Variants in HIVEP3 observed in about 807,000 individuals in gnomAD.
The protein encoded by HIVEP3 is transcription factor HIVEP3.
Under a neutral mutation model 152.8 loss-of-function variants are expected in HIVEP3, and 49 were observed. The ratio of observed to expected loss-of-function variants is 0.32; its 90% CI spans 0.26 to 0.41. The LOEUF (loss-of-function observed/expected upper bound fraction) is 0.41, where lower values mean the gene tolerates loss of function less well. Ranked by LOEUF, HIVEP3 falls within the 10% of genes least tolerant of loss-of-function variation. HIVEP3 has a pLI of 1.00. For missense variants in HIVEP3, 2,790 were observed against 3,103.3 expected (o/e 0.90, Z 2.40); for synonymous variants, 1,269 against 1,289.0 (o/e 0.98, Z 0.33).
At chr1:42,020,270 GTTA>G (rs1469423385) in intron 1 of HIVEP3, among the ~76,000 whole-genome samples, 3 of 151,860 alleles carry the variant, frequency 2.0e-5, no homozygotes, top group African/African-American at 7.3e-5. Flanking sequence ...TAAGATTGAT[GTTA>G]TTATTTATTT....
At chr1:41,775,559 C>T (rs1570511498) in intron 1 of HIVEP3, among the ~76,000 whole-genome samples, 3 of 152,158 alleles carry the variant, frequency 2.0e-5, no homozygotes, top group East Asian at 1.9e-4. Flanking sequence ...GGCGCGATCT[C>T]GGCTCACTGC....
intron 5 of HIVEP3, among the ~76,000 whole-genome samples, chr1:41,550,619 T>C (rs902355725): frequency 1.3e-5 from 2 of 152,182 alleles, no homozygotes; most frequent in African/African-American, 4.8e-5. Context: ...TCCTAGGTAT[T>C]TTATTCTCTT....
At chr1:41,629,325 C>G (rs1645160882) in intron 2 of HIVEP3, among the ~76,000 whole-genome samples, 1 of 152,176 alleles carries the variant, frequency 6.6e-6, no homozygotes, top group African/African-American at 2.4e-5. Context: ...CCTTTAAAAA[C>G]AGAATTTGCA....
chr1:41,970,767 A>G (rs1645224261), intron 1 of HIVEP3, among the ~76,000 whole-genome samples: 1 of 152,188 alleles, frequency 6.6e-6, no homozygotes, highest in South Asian at 2.1e-4. Context: ...TCTTTACAAA[A>G]AAAAGTGGGG....
intron 3 of HIVEP3, among the ~76,000 whole-genome samples, chr1:41,627,120 T>A (rs10890149): frequency 0.43 from 65,914 of 151,954 alleles, 14,821 homozygotes; most frequent in Non-Finnish European, 0.5. Context: ...GGGCAGGGCA[T>A]GCAGATGGCA....
chr1:41,625,747 A>C (rs781518070), intron 3 of HIVEP3, among the ~76,000 whole-genome samples: 5 of 152,220 alleles, frequency 3.3e-5, no homozygotes, highest in Admixed American at 6.5e-5. Context: ...AAAAATAAAT[A>C]AATAAAGTCT....
chr1:41,712,473 C>G (rs1260316968), intron 1 of HIVEP3, among the ~76,000 whole-genome samples: 1 of 152,218 alleles, frequency 6.6e-6, no homozygotes, highest in African/African-American at 2.4e-5. Flanking sequence ...GGTGTGTAAG[C>G]ACCGAAAAGG....
At chr1:41,991,718 T>A (rs1032872185) in intron 1 of HIVEP3, among the ~76,000 whole-genome samples, 1 of 150,990 alleles carries the variant, frequency 6.6e-6, no homozygotes, top group East Asian at 1.9e-4. Flanking sequence ...TAGACCAATA[T>A]CCTTGATGAA....
At chr1:41,682,468 C>A (rs1440264387) in intron 2 of HIVEP3, among the ~76,000 whole-genome samples, 5 of 152,126 alleles carry the variant, frequency 3.3e-5, no homozygotes, top group African/African-American at 1.2e-4. Context: ...TGGAACGGGT[C>A]AGTGAAGCAG....
chr1:41,796,507 G>A (rs1469828934), intron 1 of HIVEP3, among the ~76,000 whole-genome samples: 1 of 152,260 alleles, frequency 6.6e-6, no homozygotes, highest in African/African-American at 2.4e-5. Context: ...ATGCTGCATA[G>A]ATCTGGTATT....
intron 1 of HIVEP3, among the ~76,000 whole-genome samples, chr1:41,830,901 T>C (rs1642945873): frequency 6.6e-6 from 1 of 152,174 alleles, no homozygotes; most frequent in Non-Finnish European, 1.5e-5. Context: ...TCCCTACGCG[T>C]TCGTGACTCA....
chr1:41,624,917 G>A (rs950949437), intron 3 of HIVEP3, among the ~76,000 whole-genome samples: 2 of 152,176 alleles, frequency 1.3e-5, no homozygotes, highest in Admixed American at 6.5e-5. Context: ...TGTAATCCCA[G>A]CACTTTGGGA....
intron 2 of HIVEP3, among the ~76,000 whole-genome samples, chr1:41,685,288 C>A (rs1005132932): frequency 1.3e-5 from 2 of 152,248 alleles, no homozygotes; most frequent in Admixed American, 6.5e-5. Flanking sequence ...GGACCAGGGC[C>A]TGTAGGAGTA....
intron 2 of HIVEP3, among the ~76,000 whole-genome samples, chr1:41,649,078 G>A (rs1036404589): frequency 1.3e-5 from 2 of 152,190 alleles, no homozygotes; most frequent in Admixed American, 6.5e-5. Context: ...ACAGAGCTGG[G>A]CCCTGAGCCA....
intron 1 of HIVEP3, among the ~76,000 whole-genome samples, chr1:41,895,659 G>A (rs1644516305): frequency 6.6e-6 from 1 of 152,174 alleles, no homozygotes; most frequent in East Asian, 1.9e-4. Flanking sequence ...CCCAAGGGAA[G>A]GCTGTTCTAG....
chr1:41,513,976 TTC>T (rs1642530479), intron 7 of HIVEP3, among the ~76,000 whole-genome samples: 1 of 152,258 alleles, frequency 6.6e-6, no homozygotes, highest in Non-Finnish European at 1.5e-5. Flanking sequence ...CAATGTTCAG[TTC>T]TGAGAGCTTT....
intron 1 of HIVEP3, among the ~76,000 whole-genome samples, chr1:41,718,774 C>CCA (rs3064313): frequency 0.029 from 4,255 of 148,440 alleles, 64 homozygotes; most frequent in African/African-American, 0.052. Context: ...TCTTTCACAC[C>CCA]CACACACACA....
In HIVEP3 at chr1:41,693,401, C is replaced by CAA. The variant is rs1646225765; in HGVS notation, c.-721+7514_-721+7515insTT. Among the ~76,000 whole-genome samples the CAA allele has an allele frequency of 2.6e-5, 4 of 152,284 alleles. No individual in the cohort carries two copies. The South Asian group carries it at 8.3e-4, about 32-fold the overall frequency. On this transcript the variant is annotated intron_variant, in intron 2 of 8. Coordinates refer to ENST00000372583, the MANE Select transcript of HIVEP3 (RefSeq NM_024503.5). ...AGGACACTTTGATTGTTTAATGTGT[C>CAA]TCCTTTGCCCCTGGGTGATGACTCT...
At chr1:41,998,775 A>G (rs531911339) in intron 1 of HIVEP3, among the ~76,000 whole-genome samples, 1 of 152,278 alleles carries the variant, frequency 6.6e-6, no homozygotes, top group South Asian at 2.1e-4. Context: ...GATTGTTAGA[A>G]AATAAAATAA....
Sources: gnomAD v4.1 joint callset for allele counts (sites outside exome capture counted in the v4.1 genomes callset) on GRCh38, gnomAD v4.1.1 for gene constraint, MANE v1.5 for transcripts, NCBI Gene and HGNC (gene_info 2026-07-23, HGNC 2026-07-21) for gene names.